SMPDL3A: variants seen among roughly 807,000 people sequenced by gnomAD.
SMPDL3A encodes cyclic GMP-AMP phosphodiesterase SMPDL3A.
SMPDL3A carries 39 observed loss-of-function variants against 38.5 expected under a neutral mutation model. The ratio of observed to expected loss-of-function variants is 1.01; its 90% CI spans 0.78 to 1.32. The LOEUF (loss-of-function observed/expected upper bound fraction) is 1.32, where lower values mean the gene tolerates loss of function less well. Ranked by LOEUF, SMPDL3A falls within the 40% of genes most tolerant of loss-of-function variation. The pLI, the probability that SMPDL3A is intolerant of heterozygous loss-of-function variation, is 0.00. For missense variants in SMPDL3A, 502 were observed against 536.2 expected, an observed-to-expected ratio of 0.94 and a Z score of 0.63; for synonymous variants, 180 against 194.3, an observed-to-expected ratio of 0.93 and a Z score of 0.61.
intron 6 of SMPDL3A, among the ~76,000 whole-genome samples, chr6:122,805,426 C>T (rs920516778): frequency 6.6e-6 from 1 of 152,208 alleles, no homozygotes; most frequent in Non-Finnish European, 1.5e-5. Flanking sequence ...AACTGCTACA[C>T]TCAAGTTTCT....
chr6:122,789,828 G>A, intron 1 of SMPDL3A: 1 of 985,172 alleles, frequency 1.0e-6, no homozygotes. Flanking sequence ...AGGAAGCTGG[G>A]AGTCCGATGT....
In SMPDL3A at chr6:122,804,987, G is replaced by C; in HGVS notation, c.817G>C (p.Glu273Gln). The C allele has an allele frequency of 6.2e-7, 1 of 1,613,480 alleles. No homozygotes were observed. Among genetic ancestry groups the C allele is most frequent in the Non-Finnish European group, 8.5e-7 (1 of 1,179,782 alleles). Residue 273 changes from glutamate to glutamine, a missense_variant, in exon 6 of 8, where the codon GAG becomes CAG. Physicochemically the swap from Glu to Gln is conservative, Grantham distance 29. Transcript: ENST00000368440. ...CACAGCAATGAGAGAATACTATAAT[G>C]AGAAATTGATAGATATTTTTCAAAA... Reference protein sequence around the residue: ...NITAMREYYNEKLIDIFQKYS... With the variant: ...NITAMREYYNQKLIDIFQKYS...
intron 7 of SMPDL3A, 21 bp downstream of exon 7, chr6:122,806,378 G>T (rs1382941018): frequency 3.8e-6 from 6 of 1,590,990 alleles, no homozygotes; most frequent in Non-Finnish European, 5.1e-6. Flanking sequence ...AGATTTCAGA[G>T]CTGACCCCAT....
At position 122,795,720 on chromosome 6, in the gene SMPDL3A, C is replaced by G. The variant is rs1456269469; in HGVS notation, c.156C>G (p.Tyr52Ter). The change falls in exon 2 of 8, where the codon TAC becomes TAG. Residue 52 changes from tyrosine to a stop codon, truncating the protein, a stop_gained. Coordinates refer to ENST00000368440, the MANE Select transcript of SMPDL3A (RefSeq NM_006714.5). LOFTEE classifies it high-confidence loss of function. ...CTGACTTACACTTAGACCCTACTTACCACATCACAGATGACCACACAAAAG... is the reference window on the plus strand; with the variant it reads ...CTGACTTACACTTAGACCCTACTTAGCACATCACAGATGACCACACAAAAG... ...HVTDLHLDPT[Y>*]HITDDHTKVC... 1.2e-6 allele frequency: 2 copies of G among 1,614,166 alleles called. No individual in the cohort carries two copies. The highest frequency in any genetic ancestry group is 2.2e-5 in the South Asian group (2 of 91,082).
intron 4 of SMPDL3A, among the ~76,000 whole-genome samples, chr6:122,801,900 T>C (rs1781439161): frequency 6.6e-6 from 1 of 152,230 alleles, no homozygotes; most frequent in African/African-American, 2.4e-5. Context: ...TCTGCTCCAC[T>C]GGCTCTTGAC....
intron 3 of SMPDL3A, among the ~76,000 whole-genome samples, chr6:122,798,654 AGTG>A (rs1047503942): frequency 1.3e-5 from 2 of 152,180 alleles, no homozygotes; most frequent in African/African-American, 4.8e-5. Context: ...GCCCTCAGTA[AGTG>A]GGCTGGTGGT....
At chr6:122,803,539 C>T in intron 4 of SMPDL3A, 125 bp from the exon 5 acceptor site, 1 of 684,902 alleles carries the variant, frequency 1.5e-6, no homozygotes, top group Non-Finnish European at 2.4e-6. Context: ...TATCTATGTG[C>T]AAACTAAACA....
intron 3 of SMPDL3A, among the ~76,000 whole-genome samples, chr6:122,799,988 G>C (rs1328131364): frequency 9.0e-6 from 1 of 111,238 alleles, no homozygotes; most frequent in Non-Finnish European, 2.0e-5. Flanking sequence ...TTTTGAAACA[G>C]GGTCTTTTTC....
intron 5 of SMPDL3A, 51 bp downstream of exon 5, chr6:122,803,884 G>A (rs761220990): frequency 1.3e-6 from 2 of 1,524,072 alleles, no homozygotes; most frequent in African/African-American, 1.4e-5. Context: ...GGCAAAATTT[G>A]TATGTTTATT....
intron 3 of SMPDL3A, among the ~76,000 whole-genome samples, chr6:122,799,087 A>G (rs951887707): frequency 1.3e-5 from 2 of 152,222 alleles, no homozygotes; most frequent in Admixed American, 6.5e-5. Flanking sequence ...CTGAAATTCT[A>G]TGTTCATGCA....
chr6:122,799,304 A>C (rs561421590), intron 3 of SMPDL3A, among the ~76,000 whole-genome samples: 4 of 152,310 alleles, frequency 2.6e-5, no homozygotes, highest in Non-Finnish European at 5.9e-5. Flanking sequence ...TGGTTATGTC[A>C]CAGCCAAAAA....
At position 122,795,589 on chromosome 6, in the gene SMPDL3A, A is replaced by G. The variant is rs190110463; in HGVS notation, c.113-88A>G. 3.1e-6 allele frequency: 3 copies of G among 977,976 alleles called. No individual in the cohort carries two copies. The African/African-American group carries it at 4.9e-5, about 16-fold the overall frequency. The allele number at this position is 977,976 out of a possible 1,614,324, so 60.6% of individuals were successfully genotyped here. ...GCTTTCCTCCATCACAGGGAGGAACAACCGTCTCTAGTCTTAATATAAATA... is the reference window on the plus strand; with the variant it reads ...GCTTTCCTCCATCACAGGGAGGAACGACCGTCTCTAGTCTTAATATAAATA... On this transcript the variant is annotated intron_variant, in intron 1 of 7. Coordinates refer to ENST00000368440, the MANE Select transcript of SMPDL3A (RefSeq NM_006714.5).
At chr6:122,789,490 C>G in intron 1 of SMPDL3A, 32 bp downstream of exon 1, 9 of 1,513,992 alleles carry the variant, frequency 5.9e-6, no homozygotes, top group East Asian at 2.5e-5. Flanking sequence ...TCTTCCCAGC[C>G]GGCAAAGAGC....
intron 3 of SMPDL3A, among the ~76,000 whole-genome samples, chr6:122,798,028 T>A (rs1781307620): frequency 6.7e-6 from 1 of 150,178 alleles, no homozygotes; most frequent in African/African-American, 2.4e-5. Flanking sequence ...TTCCCAAACA[T>A]ATCTACTTTC....
intron 3 of SMPDL3A, 44 bp downstream of exon 3, chr6:122,797,012 A>G (rs1781271704): frequency 1.3e-6 from 2 of 1,549,886 alleles, no homozygotes; most frequent in Middle Eastern, 1.7e-4. Flanking sequence ...AATTTTTCCT[A>G]TTAGTAGTGT....
chr6:122,790,135 T>C lies in SMPDL3A; in HGVS notation c.112+677T>C, dbSNP rs1304946617. 3.3e-5 allele frequency among the ~76,000 whole-genome samples: 5 copies of C among 152,162 alleles called. 1 individual carries two copies. The highest frequency in any genetic ancestry group is 1.2e-4 in the African/African-American group (5 of 41,438). ...GCACTTAACACAGTGCCCGTTACAG[T>C]AGTGATTCTCTTAAGTGTGCCCTGG... On this transcript the variant is annotated intron_variant, in intron 1 of 7. Transcript: ENST00000368440.
chr6:122,789,490 C>T (rs1375491701), intron 1 of SMPDL3A, 32 bp downstream of exon 1: 1 of 1,513,874 alleles, frequency 6.6e-7, no homozygotes, highest in Non-Finnish European at 9.0e-7. Context: ...TCTTCCCAGC[C>T]GGCAAAGAGC....
At chr6:122,808,106 C>G (rs1781695683) in intron 7 of SMPDL3A, among the ~76,000 whole-genome samples, 1 of 152,066 alleles carries the variant, frequency 6.6e-6, no homozygotes, top group South Asian at 2.1e-4. Flanking sequence ...TAAATAATTT[C>G]TTAAAACACA....
chr6:122,801,226 A>G, intron 3 of SMPDL3A, 84 bp from the exon 4 acceptor site: 1 of 886,536 alleles, frequency 1.1e-6, no homozygotes. Context: ...TGCCTAACGT[A>G]GTAGTCAGTG....
Sources: gnomAD v4.1 joint callset for allele counts (sites outside exome capture counted in the v4.1 genomes callset) on GRCh38, gnomAD v4.1.1 for gene constraint, MANE v1.5 for transcripts, NCBI Gene and HGNC (gene_info 2026-07-23, HGNC 2026-07-21) for gene names.